Variants in DOCK4 observed in about 807,000 individuals in gnomAD.
DOCK4 encodes the protein dedicator of cytokinesis 4.
In DOCK4, 97 loss-of-function variants were observed where a neutral mutation model predicts 268.1. The ratio of observed to expected loss-of-function variants is 0.36; its 90% confidence interval spans 0.31 to 0.43. The LOEUF (loss-of-function observed/expected upper bound fraction) is 0.43, where lower values mean the gene tolerates loss of function less well. Ranked by LOEUF, DOCK4 falls within the 20% of genes least tolerant of loss-of-function variation. The pLI is 1.00. For missense variants in DOCK4, 2,145 were observed against 2,455.7 expected (o/e 0.87, Z 2.67); for synonymous variants, 954 against 887.2 (o/e 1.08, Z -1.34).
chr7:111,798,748 G>A (rs541579992), intron 30 of DOCK4, among the ~76,000 whole-genome samples: 9 of 152,260 alleles, frequency 5.9e-5, no homozygotes, highest in Admixed American at 5.9e-4. Context: ...CGCTCAATTC[G>A]CTAAGCTAAT....
chr7:112,206,357 A>G lies in DOCK4; in HGVS notation c.-219T>C. 1 of 589,576 alleles carries G rather than the reference A, an allele frequency of 1.7e-6. No homozygotes were observed. Among genetic ancestry groups the G allele is most frequent in the Non-Finnish European group, 3.0e-6 (1 of 335,688 alleles). The allele number at this position is 589,576 out of a possible 1,614,324, so 36.5% of individuals were successfully genotyped here. On this transcript the variant is annotated 5_prime_UTR_variant, in exon 1 of 53. Transcript: ENST00000428084. ...GGCGGCGGCTGCTCACAGTCCTCCG[A>G]CGCGCTCCCGGGTACCCGGCGGCGC...
chr7:111,832,341 C>A (rs1176856465), intron 26 of DOCK4, among the ~76,000 whole-genome samples: 1 of 152,200 alleles, frequency 6.6e-6, no homozygotes, highest in Non-Finnish European at 1.5e-5. Flanking sequence ...CCTGAACATT[C>A]ACCACTCAGG....
At chr7:111,779,768 T>G (rs1029213811) in intron 35 of DOCK4, among the ~76,000 whole-genome samples, 2 of 152,204 alleles carry the variant, frequency 1.3e-5, no homozygotes, top group African/African-American at 4.8e-5. Flanking sequence ...ATAAAGCACA[T>G]GAGTCCTCAC....
intron 1 of DOCK4, among the ~76,000 whole-genome samples, chr7:112,159,901 A>G (rs1258863569): frequency 2.0e-5 from 3 of 150,004 alleles, no homozygotes; most frequent in Non-Finnish European, 4.4e-5. Flanking sequence ...CATAATGTAT[A>G]TAATACATAA....
chr7:112,162,992 G>A (rs1323128131), intron 1 of DOCK4, among the ~76,000 whole-genome samples: 1 of 152,042 alleles, frequency 6.6e-6, no homozygotes, highest in Non-Finnish European at 1.5e-5. Context: ...AGTGTGGGGA[G>A]CCAGACGTCA....
intron 16 of DOCK4, among the ~76,000 whole-genome samples, chr7:111,880,595 T>G (rs532556616): frequency 6.6e-6 from 1 of 152,270 alleles, no homozygotes; most frequent in East Asian, 1.9e-4. Context: ...AAATACTCTT[T>G]ACTTAAGCAG....
At chr7:112,099,321 A>T (rs1810458745) in intron 1 of DOCK4, among the ~76,000 whole-genome samples, 1 of 147,908 alleles carries the variant, frequency 6.8e-6, no homozygotes, top group Non-Finnish European at 1.5e-5. Flanking sequence ...AAAAAAAAGT[A>T]GTCCAAAGAA....
intron 1 of DOCK4, among the ~76,000 whole-genome samples, chr7:112,144,752 C>A (rs1815280457): frequency 1.3e-5 from 2 of 152,166 alleles, no homozygotes; most frequent in Non-Finnish European, 2.9e-5. Context: ...TCAGAGGTAT[C>A]CTGTAACTAC....
chr7:111,934,060 C>T (rs891305138), intron 12 of DOCK4, among the ~76,000 whole-genome samples: 2 of 152,178 alleles, frequency 1.3e-5, no homozygotes, highest in Non-Finnish European at 2.9e-5. Context: ...TATCTATATT[C>T]AAGGTGTTTT....
intron 42 of DOCK4, among the ~76,000 whole-genome samples, chr7:111,748,699 T>C (rs1194570421): frequency 4.7e-5 from 1 of 21,334 alleles, no homozygotes; most frequent in Non-Finnish European, 1.0e-4. Context: ...CAGTTGAAGA[T>C]ATATATACAT....
chr7:111,984,265 A>G, intron 7 of DOCK4, 41 bp downstream of exon 7: 1 of 1,560,262 alleles, frequency 6.4e-7, no homozygotes, highest in South Asian at 1.2e-5. Flanking sequence ...GAAACCAGAA[A>G]ATTAGCAGGA....
chr7:111,886,120 G>T (rs1807816622), intron 16 of DOCK4, among the ~76,000 whole-genome samples: 1 of 152,026 alleles, frequency 6.6e-6, no homozygotes. Context: ...TTAAAAACTG[G>T]CACAGGAATT....
chr7:111,823,369 G>A (rs1802151201), intron 26 of DOCK4, among the ~76,000 whole-genome samples: 1 of 151,932 alleles, frequency 6.6e-6, no homozygotes, highest in East Asian at 1.9e-4. Context: ...ACCACGTCCA[G>A]CTAATTTTTT....
At chr7:111,944,894 T>A (rs1795496564) in intron 9 of DOCK4, 23 bp from the exon 10 acceptor site, 1 of 1,613,146 alleles carries the variant, frequency 6.2e-7, no homozygotes, top group African/African-American at 1.3e-5. Flanking sequence ...AAAGTTTGGT[T>A]ATTTTGGAAG....
At chr7:112,177,606 T>C (rs1254935869) in intron 1 of DOCK4, among the ~76,000 whole-genome samples, 1 of 152,212 alleles carries the variant, frequency 6.6e-6, no homozygotes, top group Non-Finnish European at 1.5e-5. Flanking sequence ...AGAAACTGCC[T>C]CAACTGTGAT....
intron 5 of DOCK4, among the ~76,000 whole-genome samples, chr7:111,990,438 C>T: frequency 6.6e-6 from 1 of 152,212 alleles, no homozygotes; most frequent in East Asian, 1.9e-4. Context: ...AAGTCTTCTA[C>T]AGCTGTAAGC....
chr7:111,913,807 A>G (rs1007294430), intron 13 of DOCK4, among the ~76,000 whole-genome samples: 10 of 151,544 alleles, frequency 6.6e-5, no homozygotes, highest in African/African-American at 2.4e-5. Context: ...ACTTGAGCCC[A>G]GGAGTTTGAG....
intron 4 of DOCK4, among the ~76,000 whole-genome samples, chr7:111,996,229 CAT>C (rs1317470987): frequency 6.6e-6 from 1 of 152,180 alleles, no homozygotes; most frequent in Non-Finnish European, 1.5e-5. Flanking sequence ...CAAGAAAGAA[CAT>C]ACACGCAATT....
At chr7:112,032,430 C>A (rs780039475) in intron 1 of DOCK4, among the ~76,000 whole-genome samples, 12 of 152,068 alleles carry the variant, frequency 7.9e-5, no homozygotes, top group African/African-American at 2.7e-4. Flanking sequence ...TTAGGAAAAC[C>A]TTTCACATAT....
Sources: allele counts gnomAD v4.1 joint callset (sites outside exome capture counted in the v4.1 genomes callset), GRCh38; gene constraint gnomAD v4.1.1; transcripts MANE v1.5; gene names NCBI Gene and HGNC (gene_info 2026-07-23, HGNC 2026-07-21).